The following PHC2 variants were observed in gnomAD, a reference collection of about 807,000 sequenced individuals.
PHC2 encodes the protein polyhomeotic-like protein 2.
In PHC2, 29 loss-of-function variants were observed where a neutral mutation model predicts 87.4. The ratio of observed to expected loss-of-function variants is 0.33; its 90% confidence interval spans 0.25 to 0.45. PHC2 has a LOEUF of 0.45. Among genes scored for constraint, PHC2 ranks in the 20% least tolerant of loss-of-function variants. The pLI is 1.00. For missense variants in PHC2, 857 were observed against 1,136.7 expected, an observed-to-expected ratio of 0.75 and a Z score of 3.54; for synonymous variants, 438 against 461.7, an observed-to-expected ratio of 0.95 and a Z score of 0.66.
intron 1 of PHC2, among the ~76,000 whole-genome samples, chr1:33,379,846 C>T (rs765853250): frequency 2.1e-5 from 2 of 96,494 alleles, no homozygotes; most frequent in Non-Finnish European, 4.1e-5. Flanking sequence ...CTGGGCTGCT[C>T]GCCCTTGACC....
Position 33,372,421 on chromosome 1 carries a change from C to A in PHC2, c.201G>T (p.Gln67His). 1 of 1,594,390 alleles carries A rather than the reference C, an allele frequency of 6.3e-7. No homozygotes were observed. The highest frequency in any genetic ancestry group is 8.6e-7 in the Non-Finnish European group (1 of 1,168,206). Reference sequence around the variant, plus strand: ...GCAGGTACTGAGCGGCCGTGCTGGGCTGTCTGTGCAGGGCCTGCTGGATCA... The same window carrying A: ...GCAGGTACTGAGCGGCCGTGCTGGGATGTCTGTGCAGGGCCTGCTGGATCA... ...VQVIQQALHRQPSTAAQYLQQ... is the reference protein window; with the variant it reads ...VQVIQQALHRHPSTAAQYLQQ... Residue 67 changes from glutamine to histidine, a missense_variant, in exon 3 of 15, where the codon CAG becomes CAT. Physicochemically the swap from Gln to His is conservative, Grantham distance 24. This residue lies in a region of PHC2 where 832 missense variants were observed against 1,081.8 expected (regional missense o/e 0.77). Transcript: ENST00000683057.
At position 33,382,678 on chromosome 1, in the gene PHC2, G is replaced by A. The variant is rs921279981; in HGVS notation, c.-54-7085C>T. Among the ~76,000 whole-genome samples, 3 of 152,148 alleles carry A rather than the reference G, an allele frequency of 2.0e-5. No individual in the cohort carries two copies. The highest frequency in any genetic ancestry group is 7.2e-5 in the African/African-American group (3 of 41,442). On this transcript the variant is annotated intron_variant, in intron 1 of 14. Coordinates refer to ENST00000683057, the MANE Select transcript of PHC2 (RefSeq NM_001385109.1). This position sits in a 1 kb window ranked among gnomAD's most constrained non-coding sequence, Gnocchi z 4.3. ...AATGGGCCACTTTGAATGATGTGCT[G>A]AATATAACTGGCTTGGATAGTGATC...
chr1:33,349,848 G>GCGCC lies in PHC2; in HGVS notation c.1558+4552_1558+4553insGGCG. ...GAGCGCGGGCGGCGGCCGGGGTTGC[G>GCGCC]CGCGCGCGCGCGGCGGGCGCTCGAG... On this transcript the variant is annotated intron_variant, in intron 9 of 14. Coordinates refer to ENST00000683057, the MANE Select transcript of PHC2 (RefSeq NM_001385109.1). The surrounding 1 kb of genome is among the most constrained non-coding windows in gnomAD (Gnocchi z 4.2). 2.1e-6 allele frequency: 2 copies of GCGCC among 969,326 alleles called. No individual in the cohort carries two copies. Among genetic ancestry groups the GCGCC allele is most frequent in the Non-Finnish European group, 1.2e-6 (1 of 818,714 alleles). 60.0% of individuals were successfully genotyped at this position (969,326 alleles called of 1,614,324 possible).
intron 1 of PHC2, among the ~76,000 whole-genome samples, chr1:33,394,540 G>T (rs138682657): frequency 2.1e-3 from 320 of 152,188 alleles, no homozygotes; most frequent in African/African-American, 6.4e-3. Flanking sequence ...TTTTTGGTAG[G>T]GGGAGCAGAG....
chr1:33,338,519 A>G (rs1646683649), intron 9 of PHC2, among the ~76,000 whole-genome samples: 3 of 152,340 alleles, frequency 2.0e-5, no homozygotes, highest in South Asian at 4.1e-4. Context: ...AGTTTGGGCT[A>G]TTCCTGGAAT....
chr1:33,352,566 A>G (rs929874775), intron 9 of PHC2, among the ~76,000 whole-genome samples: 10 of 152,246 alleles, frequency 6.6e-5, no homozygotes, highest in Non-Finnish European at 1.3e-4. Context: ...TTTACAAGGT[A>G]ACACTTAACA....
In PHC2 at chr1:33,339,158, G is replaced by A. The variant is rs538857740; in HGVS notation, c.1559-4866C>T. Among the ~76,000 whole-genome samples the A allele has an allele frequency of 3.9e-5, 6 of 152,182 alleles. No homozygotes were observed. In the South Asian group the frequency reaches 1.2e-3, roughly 32 times the overall value. ...AAGCAGAGCAGACTTCTCTAGGCAG[G>A]GGGCTACCACTCACTCAGTCACCTC... On this transcript the variant is annotated intron_variant, in intron 9 of 14. Transcript: ENST00000683057.
At chr1:33,339,642 C>G (rs759132605) in intron 9 of PHC2, among the ~76,000 whole-genome samples, 7 of 152,200 alleles carry the variant, frequency 4.6e-5, no homozygotes, top group Non-Finnish European at 7.3e-5. Flanking sequence ...CTGACGGGCT[C>G]TCCAGCCTGC....
intron 1 of PHC2, among the ~76,000 whole-genome samples, chr1:33,385,386 C>T (rs746029720): frequency 2.5e-4 from 38 of 152,212 alleles, no homozygotes; most frequent in Non-Finnish European, 4.4e-4. Context: ...AGACGTTCTA[C>T]TCCATAAAAA....
chr1:33,425,619 G>C (rs56953866), intron 1 of PHC2, among the ~76,000 whole-genome samples: 2,961 of 152,280 alleles, frequency 0.019, 87 homozygotes, highest in African/African-American at 0.066. Context: ...CCTTCTGAGA[G>C]GTAATGCTTG....
intron 9 of PHC2, chr1:33,353,102 C>T (rs1008856778): frequency 2.6e-5 from 4 of 152,084 alleles, no homozygotes; most frequent in African/African-American, 7.2e-5. Flanking sequence ...GGGGACCAAA[C>T]GTTAGGAAAA....
Position 33,356,277 on chromosome 1 carries a change from G to GTATATA in PHC2, c.977-1030_977-1025dup, listed in dbSNP as rs1233308932. ...TATATATATATATATATATATATAT[G>GTATATA]TATATATATATATATATTTATTTAT... is the stretch of plus-strand genomic sequence containing the variant. On this transcript the variant is annotated intron_variant, in intron 7 of 14. Coordinates refer to ENST00000683057, the MANE Select transcript of PHC2 (RefSeq NM_001385109.1). Among the ~76,000 whole-genome samples, 530 of 69,924 alleles carry GTATATA rather than the reference G, an allele frequency of 7.6e-3. 6 individuals carry two copies. The highest frequency in any genetic ancestry group is 9.4e-3 in the Non-Finnish European group (306 of 32,478). 45.9% of individuals were successfully genotyped at this position (69,924 alleles called of 152,430 possible). A position where few individuals can be genotyped will look rare whatever the true frequency, so the allele number is the denominator to read the frequency against.
At chr1:33,351,272 T>C (rs1190882871) in intron 9 of PHC2, among the ~76,000 whole-genome samples, 1 of 152,164 alleles carries the variant, frequency 6.6e-6, no homozygotes, top group Non-Finnish European at 1.5e-5. Flanking sequence ...TATCATGAAA[T>C]AGAATTCTTT....
rs1268929921 is a variant in PHC2 at position 33,382,546 on chromosome 1, T to C, written c.-54-6953A>G. On this transcript the variant is annotated intron_variant, in intron 1 of 14. Transcript: ENST00000683057. This position sits in a 1 kb window ranked among gnomAD's most constrained non-coding sequence, Gnocchi z 4.3. ...CTCATTAATGGCTAACATCAAGAAC[T>C]AGAAGTCTGTTTTTCTCTGGGTTCC... Among the ~76,000 whole-genome samples, 2 of 152,214 alleles carry C rather than the reference T, an allele frequency of 1.3e-5. No individual in the cohort carries two copies. The highest frequency in any genetic ancestry group is 2.4e-5 in the African/African-American group (1 of 41,446).
At chr1:33,351,884 G>T (rs910596705) in intron 9 of PHC2, among the ~76,000 whole-genome samples, 1 of 146,010 alleles carries the variant, frequency 6.8e-6, no homozygotes, top group Admixed American at 7.0e-5. Context: ...CCCGGGAGGT[G>T]TAGATTGCAG....
rs1057020002 is a variant in PHC2 at position 33,329,135 on chromosome 1, A to G, written c.2160T>C (p.Thr720=). ...AAGCAGCAGTAACCGAAAGGGGCACAGTGCCTGTTGGCTGGGAGCAGAGAG... is the reference window on the plus strand; with the variant it reads ...AAGCAGCAGTAACCGAAAGGGGCACGGTGCCTGTTGGCTGGGAGCAGAGAG... ...TKDTKKQPTG[T]VPLSVTAALQ... Residue 720 remains threonine, a synonymous_variant, in exon 14 of 15, where the codon ACT becomes ACC. Transcript: ENST00000683057. 6.2e-7 allele frequency: 1 copy of G among 1,613,080 alleles called. No individual in the cohort carries two copies. The highest frequency in any genetic ancestry group is 8.5e-7 in the Non-Finnish European group (1 of 1,179,240).
chr1:33,371,175 C>T, intron 3 of PHC2, 81 bp from the exon 4 acceptor site: 1 of 1,207,956 alleles, frequency 8.3e-7, no homozygotes, highest in South Asian at 1.2e-5. Context: ...ACAGGAGGTG[C>T]TGCAGGCTGG....
At chr1:33,365,910 T>C (rs906773225) in intron 7 of PHC2, among the ~76,000 whole-genome samples, 2 of 152,234 alleles carry the variant, frequency 1.3e-5, no homozygotes, top group African/African-American at 2.4e-5. Context: ...GCAAGGCTCA[T>C]GTGCCATGTC....
In PHC2 at chr1:33,334,369, C is replaced by A; in HGVS notation, c.1559-77G>T. 7.4e-7 allele frequency: 1 copy of A among 1,350,872 alleles called. No homozygotes were observed. The highest frequency in any genetic ancestry group is 1.0e-6 in the Non-Finnish European group (1 of 961,154). 83.7% of individuals were successfully genotyped at this position (1,350,872 alleles called of 1,614,324 possible). A position where few individuals can be genotyped will look rare whatever the true frequency, so the allele number is the denominator to read the frequency against. On this transcript the variant is annotated intron_variant, in intron 9 of 14. Transcript: ENST00000683057. This position sits in a 1 kb window ranked among gnomAD's most constrained non-coding sequence, Gnocchi z 5.5. ...CACGCCCAGGGAGGGACAGCAAGGA[C>A]TCAAACTGCGCCCGGCTTTTACCGT... is the stretch of plus-strand genomic sequence containing the variant.
Sources: allele counts gnomAD v4.1 joint callset (sites outside exome capture counted in the v4.1 genomes callset), GRCh38; gene constraint gnomAD v4.1.1; regional missense constraint gnomAD v4.1.1; non-coding constraint Gnocchi (gnomAD v3.1); transcripts MANE v1.5; gene names NCBI Gene and HGNC (gene_info 2026-07-23, HGNC 2026-07-21).